The following SPIRE1 variants were observed in gnomAD, a reference collection of about 807,000 sequenced individuals.
SPIRE1 encodes the protein spire type actin nucleation factor 1.
Under a neutral mutation model 94.1 loss-of-function variants are expected in SPIRE1, and 40 were observed. That is an observed-to-expected ratio of 0.43 (90% CI 0.33 to 0.55). The LOEUF (loss-of-function observed/expected upper bound fraction) is 0.55, where lower values mean the gene tolerates loss of function less well. SPIRE1 is among the 20% of genes least tolerant of loss of function. SPIRE1 has a pLI of 0.06. For missense variants in SPIRE1, 838 were observed against 975.2 expected (o/e 0.86, Z 1.87); for synonymous variants, 376 against 371.7 (o/e 1.01, Z -0.13).
chr18:12,523,502 C>T (rs2034421348), intron 4 of SPIRE1, among the ~76,000 whole-genome samples: 1 of 152,168 alleles, frequency 6.6e-6, no homozygotes, highest in African/African-American at 2.4e-5. Context: ...TCAAACAGCA[C>T]TGTATGCTAC....
At chr18:12,556,823 G>C (rs1411785723) in intron 2 of SPIRE1, among the ~76,000 whole-genome samples, 1 of 152,174 alleles carries the variant, frequency 6.6e-6, no homozygotes, top group Non-Finnish European at 1.5e-5. Flanking sequence ...ACTGCAAAGA[G>C]CGAAAGAACA....
chr18:12,628,235 A>G (rs1472976821), intron 2 of SPIRE1, among the ~76,000 whole-genome samples: 32 of 151,678 alleles, frequency 2.1e-4, no homozygotes, highest in Non-Finnish European at 4.4e-5. Context: ...TTTTGTATAA[A>G]GAAAGGGATC....
chr18:12,597,500 G>A (rs1271384688), intron 2 of SPIRE1, among the ~76,000 whole-genome samples: 1 of 152,194 alleles, frequency 6.6e-6, no homozygotes, highest in African/African-American at 2.4e-5. Context: ...TGGGGAGACT[G>A]TATTTGAACT....
intron 8 of SPIRE1, among the ~76,000 whole-genome samples, chr18:12,491,503 T>TTGTC (rs2033233070): frequency 1.3e-5 from 2 of 152,092 alleles, no homozygotes; most frequent in South Asian, 4.2e-4. Flanking sequence ...GATCTTTTTT[T>TTGTC]TTTCTTTCTT....
intron 4 of SPIRE1, among the ~76,000 whole-genome samples, chr18:12,519,466 G>T (rs572823691): frequency 6.6e-6 from 1 of 152,240 alleles, no homozygotes; most frequent in South Asian, 2.1e-4. Flanking sequence ...TAGCTGGACT[G>T]ACATTATCTG....
At chr18:12,544,285 C>T (rs944212639) in intron 3 of SPIRE1, among the ~76,000 whole-genome samples, 4 of 151,670 alleles carry the variant, frequency 2.6e-5, no homozygotes, top group East Asian at 1.9e-4. Context: ...ATGCAACCTC[C>T]ACCTCCTAGG....
At chr18:12,454,518 C>T (rs1326451534) in intron 12 of SPIRE1, 35 bp from the exon 13 acceptor site, 1 of 1,612,290 alleles carries the variant, frequency 6.2e-7, no homozygotes, top group Non-Finnish European at 8.5e-7. Flanking sequence ...TAAGAGATTC[C>T]TACCCCCTGT....
chr18:12,549,651 A>G lies in SPIRE1; in HGVS notation c.373-2747T>C, dbSNP rs1307628178. 7.3e-5 allele frequency among the ~76,000 whole-genome samples: 11 copies of G among 151,332 alleles called. No individual in the cohort carries two copies. The South Asian group carries it at 1.9e-3, about 26-fold the overall frequency. ...ATTTTAGTAGAGTCGGGGTTTCACC[A>G]TGTTGGCCAGGACAGTCTCGATCTC... On this transcript the variant is annotated intron_variant, in intron 2 of 16. Coordinates refer to ENST00000409402, the MANE Select transcript of SPIRE1 (RefSeq NM_001128626.2).
At chr18:12,660,720 A>C (rs944813153), upstream of SPIRE1, among the ~76,000 whole-genome samples, 5 of 151,952 alleles carry the variant, frequency 3.3e-5, no homozygotes, top group Admixed American at 6.6e-5. Flanking sequence ...ACATTACTGC[A>C]CTGTATCACA....
intron 2 of SPIRE1, among the ~76,000 whole-genome samples, chr18:12,593,364 C>A (rs1356033587): frequency 6.6e-6 from 1 of 152,118 alleles, no homozygotes; most frequent in African/African-American, 2.4e-5. Flanking sequence ...AATTCATTTC[C>A]TTGCCAATAT....
intron 2 of SPIRE1, among the ~76,000 whole-genome samples, chr18:12,558,257 A>C (rs2035576971): frequency 6.6e-6 from 1 of 151,778 alleles, no homozygotes; most frequent in Non-Finnish European, 1.5e-5. Flanking sequence ...GAAGCTGCAG[A>C]CCTTTGCGGT....
intron 4 of SPIRE1, among the ~76,000 whole-genome samples, chr18:12,529,334 A>G (rs2034616350): frequency 6.6e-6 from 1 of 150,760 alleles, no homozygotes; most frequent in Non-Finnish European, 1.5e-5. Flanking sequence ...GCGCCACTGC[A>G]CTCCAGCTTA....
chr18:12,622,060 T>C (rs1214407723), intron 2 of SPIRE1, among the ~76,000 whole-genome samples: 1 of 152,134 alleles, frequency 6.6e-6, no homozygotes, highest in African/African-American at 2.4e-5. Flanking sequence ...AAATGACTCA[T>C]CCATCTCTAC....
intron 12 of SPIRE1, among the ~76,000 whole-genome samples, chr18:12,457,965 C>G (rs927842834): frequency 2.6e-5 from 4 of 151,566 alleles, no homozygotes; most frequent in Admixed American, 2.0e-4. Flanking sequence ...CTGCCTCAGC[C>G]TCCTGAGTAG....
chr18:12,561,342 T>C (rs2035678915), intron 2 of SPIRE1, among the ~76,000 whole-genome samples: 1 of 151,550 alleles, frequency 6.6e-6, no homozygotes, highest in East Asian at 1.9e-4. Flanking sequence ...TGATCTTGGC[T>C]CACTACAACC....
chr18:12,659,264 TACAACAGTCTATTTAAATA>T (rs1304472124), upstream of SPIRE1, among the ~76,000 whole-genome samples: 2 of 128,612 alleles, frequency 1.6e-5, no homozygotes, highest in East Asian at 2.1e-4. Context: ...CGGTAGAAAC[TACAACAGTCTATTTAAATA>T]ACAACAGTCT....
chr18:12,450,901 T>C, intron 16 of SPIRE1: 1 of 708,316 alleles, frequency 1.4e-6, no homozygotes, highest in Non-Finnish European at 2.6e-6. Context: ...AGGAAAAGTA[T>C]GAGAAGGATG....
intron 2 of SPIRE1, among the ~76,000 whole-genome samples, chr18:12,566,039 A>C (rs28715315): frequency 0.19 from 29,041 of 149,420 alleles, 2,996 homozygotes; most frequent in Middle Eastern, 0.26. Flanking sequence ...AACAAACAAA[A>C]AAAAAAATTC....
chr18:12,580,336 T>C (rs533799921), intron 2 of SPIRE1, among the ~76,000 whole-genome samples: 2 of 152,240 alleles, frequency 1.3e-5, no homozygotes, highest in African/African-American at 4.8e-5. Context: ...TCTCTTTTTT[T>C]TTTGGGAGAT....
Sources: allele counts gnomAD v4.1 joint callset (sites outside exome capture counted in the v4.1 genomes callset), GRCh38; gene constraint gnomAD v4.1.1; transcripts MANE v1.5; gene names NCBI Gene and HGNC (gene_info 2026-07-23, HGNC 2026-07-21).